MED19: variants seen among roughly 807,000 people sequenced by gnomAD.
The protein encoded by MED19 is mediator of RNA polymerase II transcription subunit 19.
A neutral mutation model predicts 19.9 loss-of-function variants in MED19; 4 were observed. That is an observed-to-expected ratio of 0.20 (90% CI 0.10 to 0.46). MED19 has a LOEUF of 0.46. Among genes scored for constraint, MED19 ranks in the 20% least tolerant of loss-of-function variants. The pLI is 0.99. For missense variants in MED19, 303 were observed against 318.7 expected (o/e 0.95, Z 0.38); for synonymous variants, 139 against 119.6 (o/e 1.16, Z -1.06).
At chr11:57,711,164 C>A (rs1014441355) in intron 1 of MED19, among the ~76,000 whole-genome samples, 1 of 152,200 alleles carries the variant, frequency 6.6e-6, no homozygotes, top group Non-Finnish European at 1.5e-5. Context: ...AGGTACTCAA[C>A]AAAATAATTT....
chr11:57,704,386 A>G (rs1464004422), exon 4 of MED19: 2 of 1,538,184 alleles, frequency 1.3e-6, no homozygotes, highest in Non-Finnish European at 1.7e-6. Context: ...GATCTGAATC[A>G]GATGGTGTTT....
chr11:57,712,215 C>A, exon 1 of MED19: 1 of 1,477,182 alleles, frequency 6.8e-7, no homozygotes, highest in Non-Finnish European at 9.0e-7. Context: ...CCGTGTCTGC[C>A]GTTGGTAATT....
At chr11:57,711,378 A>G (rs927553329) in intron 1 of MED19, among the ~76,000 whole-genome samples, 4 of 151,950 alleles carry the variant, frequency 2.6e-5, no homozygotes, top group Non-Finnish European at 5.9e-5. Context: ...TTGTTTTGAG[A>G]CGGAGTCTCG....
chr11:57,711,973 C>T (rs1946630577), exon 1 of MED19: 3 of 1,465,534 alleles, frequency 2.0e-6, no homozygotes, highest in Non-Finnish European at 1.8e-6. Flanking sequence ...CTGGCAGTTC[C>T]CTCATGAGGT....
intron 3 of MED19, 146 bp downstream of exon 3, chr11:57,704,573 T>C: frequency 1.9e-6 from 3 of 1,602,708 alleles, no homozygotes; most frequent in South Asian, 1.1e-5. Flanking sequence ...CCACAGTACA[T>C]TGGTTTCTTC....
At chr11:57,704,494 T>C in intron 3 of MED19, 98 bp from the exon 4 acceptor site, 1 of 1,569,730 alleles carries the variant, frequency 6.4e-7, no homozygotes, top group Non-Finnish European at 8.6e-7. Context: ...TCGGGGCAAC[T>C]GCTTTTGTCC....
At chr11:57,704,627 T>A in intron 3 of MED19, 92 bp downstream of exon 3, 4 of 1,600,750 alleles carry the variant, frequency 2.5e-6, no homozygotes, top group Non-Finnish European at 2.6e-6. Context: ...GGAACTTAAC[T>A]GGGTTTACCT....
chr11:57,710,794 C>T, intron 1 of MED19, among the ~76,000 whole-genome samples: 1 of 151,990 alleles, frequency 6.6e-6, no homozygotes, highest in Non-Finnish European at 1.5e-5. Context: ...CTCCTGTGTT[C>T]AAGCGATTCT....
exon 5 of MED19, chr11:57,703,836 G>C (rs747127002): frequency 6.7e-5 from 47 of 706,048 alleles, no homozygotes; most frequent in Non-Finnish European, 8.8e-5. Context: ...ATGTCCATGA[G>C]AAAACCAACT....
At chr11:57,710,133 G>A (rs748792779) in intron 1 of MED19, among the ~76,000 whole-genome samples, 1 of 152,202 alleles carries the variant, frequency 6.6e-6, no homozygotes, top group Non-Finnish European at 1.5e-5. Context: ...AGGCCAAGGC[G>A]GGAGGACTGC....
chr11:57,711,546 G>A (rs1345884731), intron 1 of MED19, among the ~76,000 whole-genome samples: 3 of 152,004 alleles, frequency 2.0e-5, no homozygotes, highest in Non-Finnish European at 4.4e-5. Context: ...TGGAGACAGG[G>A]TTTCATCATG....
At chr11:57,704,755 G>A in exon 3 of MED19, 1 of 1,581,512 alleles carries the variant, frequency 6.3e-7, no homozygotes, top group Non-Finnish European at 8.6e-7. Flanking sequence ...CTCTGTTTGT[G>A]CTTGTGCTTA....
intron 1 of MED19, among the ~76,000 whole-genome samples, chr11:57,709,855 C>G (rs1403044706): frequency 6.6e-6 from 1 of 152,210 alleles, no homozygotes; most frequent in African/African-American, 2.4e-5. Context: ...GCCACAGCGC[C>G]TGGCCCTGTA....
chr11:57,709,859 C>G (rs1946544828), intron 1 of MED19, among the ~76,000 whole-genome samples: 1 of 152,186 alleles, frequency 6.6e-6, no homozygotes, highest in South Asian at 2.1e-4. Context: ...CAGCGCCTGG[C>G]CCTGTATTCA....
intron 1 of MED19, among the ~76,000 whole-genome samples, chr11:57,711,361 AT>A (rs1565205963): frequency 6.6e-6 from 1 of 151,914 alleles, no homozygotes; most frequent in East Asian, 1.9e-4. Flanking sequence ...CAAACCCTGG[AT>A]TTTGTTTGTT....
intron 1 of MED19, among the ~76,000 whole-genome samples, chr11:57,707,555 C>T (rs1051870512): frequency 3.3e-5 from 5 of 152,142 alleles, no homozygotes; most frequent in Non-Finnish European, 4.4e-5. Flanking sequence ...CCCTCTATAC[C>T]TCTAGGCCTT....
At chr11:57,706,132 T>G (rs529608203) in intron 1 of MED19, among the ~76,000 whole-genome samples, 2 of 152,234 alleles carry the variant, frequency 1.3e-5, no homozygotes, top group East Asian at 3.9e-4. Context: ...TATGATGCCT[T>G]GCCTAAAAGG....
At chr11:57,703,888 A>T in exon 5 of MED19, 1 of 1,224,470 alleles carries the variant, frequency 8.2e-7, no homozygotes, top group Non-Finnish European at 1.1e-6. Context: ...CTCCTAATTT[A>T]CTTAGTCTCA....
At chr11:57,712,101 TTCCTGGTCCGAAGCCGAG>T (rs1946639946) in exon 1 of MED19, 2 of 1,526,860 alleles carry the variant, frequency 1.3e-6, no homozygotes, top group Admixed American at 2.1e-5. Context: ...GGTGGAGGCT[TTCCTGGTCCGAAGCCGAG>T]TGCGGTTGGG....
Sources: allele counts gnomAD v4.1 joint callset (sites outside exome capture counted in the v4.1 genomes callset), GRCh38; gene constraint gnomAD v4.1.1; transcripts MANE v1.5; gene names NCBI Gene and HGNC (gene_info 2026-07-23, HGNC 2026-07-21).